The following CELF2 variants were observed in gnomAD, a reference collection of about 807,000 sequenced individuals.
CELF2 encodes the protein CUG triplet repeat RNA-binding protein 2.
A neutral mutation model predicts 62.6 loss-of-function variants in CELF2; 8 were observed. The ratio of observed to expected loss-of-function variants is 0.13; its 90% CI spans 0.07 to 0.23. The LOEUF (loss-of-function observed/expected upper bound fraction) is 0.23. Among genes scored for constraint, CELF2 ranks in the 10% least tolerant of loss-of-function variants. The probability of loss-of-function intolerance (pLI) is 1.00; values close to 1 mark genes in which losing one functional copy is unlikely to be tolerated. For missense variants in CELF2, 333 were observed against 671.0 expected (o/e 0.50, Z 5.56); for synonymous variants, 258 against 250.0 (o/e 1.03, Z -0.30).
intron 1 of CELF2, among the ~76,000 whole-genome samples, chr10:10,887,840 C>T (rs1321235642): frequency 1.3e-5 from 2 of 151,354 alleles, no homozygotes; most frequent in African/African-American, 4.9e-5. Flanking sequence ...GCCACAGTCT[C>T]GGCTCACTGC....
chr10:11,211,061 T>C lies in CELF2; in HGVS notation c.272-6364T>C, dbSNP rs1315141370. ...TGGGAGGCCAAGGCAGGAGGACCAC[T>C]TGAGACGAGGAGTTTGAGAAGCCTG... On this transcript the variant is annotated intron_variant, in intron 2 of 12. Coordinates refer to ENST00000633077, the MANE Select transcript of CELF2 (RefSeq NM_001326342.2). The surrounding 1 kb of genome is among the most constrained non-coding windows in gnomAD (Gnocchi z 4.8). Among the ~76,000 whole-genome samples, 1 of 152,212 alleles carries C rather than the reference T, an allele frequency of 6.6e-6. No homozygotes were observed. Among genetic ancestry groups the C allele is most frequent in the Non-Finnish European group, 1.5e-5 (1 of 68,024 alleles).
intron 3 of CELF2, among the ~76,000 whole-genome samples, chr10:11,241,973 C>T (rs964076772): frequency 2.6e-5 from 4 of 152,180 alleles, no homozygotes; most frequent in Non-Finnish European, 5.9e-5. Context: ...CACAAGTATT[C>T]TCCATGGATG....
chr10:10,638,886 A>C, the CELF2 span, among the ~76,000 whole-genome samples: 2 of 152,202 alleles, frequency 1.3e-5, no homozygotes, highest in African/African-American at 4.8e-5. Context: ...CCTCACCCTG[A>C]CTGGCAAAGT....
At chr10:10,732,141 C>G in the CELF2 span, among the ~76,000 whole-genome samples, 4 of 152,182 alleles carry the variant, frequency 2.6e-5, no homozygotes. Context: ...TAGCTACAAA[C>G]TCTTGCCTTG....
chr10:10,551,399 G>C, the CELF2 span, among the ~76,000 whole-genome samples: 1 of 152,150 alleles, frequency 6.6e-6, no homozygotes, highest in African/African-American at 2.4e-5. Context: ...GCAGCTGAAG[G>C]AGACTCCCAC....
At chr10:11,173,073 T>C (rs1464489071) in intron 2 of CELF2, among the ~76,000 whole-genome samples, 1 of 152,162 alleles carries the variant, frequency 6.6e-6, no homozygotes, top group Non-Finnish European at 1.5e-5. Flanking sequence ...GCTGCCTGTC[T>C]AGGCTGCCTG....
intron 9 of CELF2, among the ~76,000 whole-genome samples, chr10:11,304,142 G>C (rs894667259): frequency 6.6e-6 from 1 of 152,082 alleles, no homozygotes; most frequent in Admixed American, 6.5e-5. Context: ...ACTGGGCTAG[G>C]GTCAAGGTGT....
the CELF2 span, among the ~76,000 whole-genome samples, chr10:10,625,724 C>T: frequency 5.3e-5 from 8 of 152,190 alleles, no homozygotes; most frequent in Middle Eastern, 6.3e-3. Flanking sequence ...TCCAGCTCTC[C>T]ATTCACGCTT....
At chr10:10,500,885 A>G in the CELF2 span, among the ~76,000 whole-genome samples, 1 of 152,224 alleles carries the variant, frequency 6.6e-6, no homozygotes, top group Non-Finnish European at 1.5e-5. Context: ...TATAAATGCA[A>G]TCACATGATG....
At chr10:10,680,010 G>A in the CELF2 span, among the ~76,000 whole-genome samples, 1 of 151,990 alleles carries the variant, frequency 6.6e-6, no homozygotes, top group Admixed American at 6.6e-5. Context: ...TATATTTACG[G>A]GTTAAAGAAT....
rs183985649 is a variant in CELF2 at position 11,117,772 on chromosome 10, A to T, written c.75-47714A>T. On this transcript the variant is annotated intron_variant, in intron 1 of 12. Coordinates refer to ENST00000633077, the MANE Select transcript of CELF2 (RefSeq NM_001326342.2). The surrounding 1 kb of genome is among the most constrained non-coding windows in gnomAD (Gnocchi z 4.1). ...CTCTTCCACTGACCCCGGAACTTCCAAAGCATCAGGCTTGGGTCAAATAGG... is the reference window on the plus strand; with the variant it reads ...CTCTTCCACTGACCCCGGAACTTCCTAAGCATCAGGCTTGGGTCAAATAGG... 4.4e-4 allele frequency among the ~76,000 whole-genome samples: 67 copies of T among 152,294 alleles called. No individual in the cohort carries two copies. The highest frequency in any genetic ancestry group is 1.2e-3 in the Admixed American group (18 of 15,294).
At chr10:10,801,267 T>C (rs1484730703) in intron 1 of CELF2, among the ~76,000 whole-genome samples, 1 of 152,230 alleles carries the variant, frequency 6.6e-6, no homozygotes, top group South Asian at 2.1e-4. Context: ...GCAAGCATTA[T>C]TCCACTGGCT....
At chr10:10,766,163 T>C in the CELF2 span, among the ~76,000 whole-genome samples, 3 of 152,186 alleles carry the variant, frequency 2.0e-5, no homozygotes, top group African/African-American at 7.2e-5. Flanking sequence ...CATCATTTTG[T>C]TATTGGGTGA....
the CELF2 span, among the ~76,000 whole-genome samples, chr10:10,716,423 C>G: frequency 6.6e-6 from 1 of 152,114 alleles, no homozygotes; most frequent in Non-Finnish European, 1.5e-5. Flanking sequence ...CGCCTGTAGT[C>G]CCAGCTACTG....
chr10:10,847,142 T>C (rs1292075813), intron 1 of CELF2, among the ~76,000 whole-genome samples: 1 of 151,790 alleles, frequency 6.6e-6, no homozygotes, highest in Non-Finnish European at 1.5e-5. Context: ...TATAGTAATA[T>C]CTATTTATAT....
At chr10:11,282,968 C>T (rs995895616) in intron 8 of CELF2, among the ~76,000 whole-genome samples, 1 of 152,240 alleles carries the variant, frequency 6.6e-6, no homozygotes, top group African/African-American at 2.4e-5. Flanking sequence ...GGGTCTCACT[C>T]TGTTGCCCAG....
chr10:10,802,180 A>C (rs1219221457), intron 1 of CELF2, among the ~76,000 whole-genome samples: 1 of 152,248 alleles, frequency 6.6e-6, no homozygotes, highest in Non-Finnish European at 1.5e-5. Flanking sequence ...TATGATTAAA[A>C]GAATAAAATA....
chr10:11,119,985 C>T (rs1163028004), intron 1 of CELF2, among the ~76,000 whole-genome samples: 1 of 151,964 alleles, frequency 6.6e-6, no homozygotes, highest in African/African-American at 2.4e-5. Flanking sequence ...ACTTCCGCCA[C>T]AACCCATTTA....
intron 2 of CELF2, among the ~76,000 whole-genome samples, chr10:10,956,231 T>A (rs2048881387): frequency 6.6e-6 from 1 of 152,174 alleles, no homozygotes; most frequent in African/African-American, 2.4e-5. Flanking sequence ...CTACCCTTAA[T>A]AAGAAGTGAA....
Sources: allele counts gnomAD v4.1 joint callset (sites outside exome capture counted in the v4.1 genomes callset), GRCh38; gene constraint gnomAD v4.1.1; non-coding constraint Gnocchi (gnomAD v3.1); transcripts MANE v1.5; gene names NCBI Gene and HGNC (gene_info 2026-07-23, HGNC 2026-07-21).